GOLGA2: variants seen among roughly 807,000 people sequenced by gnomAD.
GOLGA2 encodes golgin A2.
GOLGA2 carries 49 observed loss-of-function variants against 148.8 expected under a neutral mutation model. The observed-to-expected ratio is 0.33, with a 90% CI of 0.26 to 0.42. GOLGA2 has a LOEUF of 0.42. Among genes scored for constraint, GOLGA2 ranks in the 10% least tolerant of loss-of-function variants. The pLI, the probability that GOLGA2 is intolerant of heterozygous loss-of-function variation, is 1.00. For missense variants in GOLGA2, 1,178 were observed against 1,304.6 expected, an observed-to-expected ratio of 0.90 and a Z score of 1.49; for synonymous variants, 501 against 511.8, an observed-to-expected ratio of 0.98 and a Z score of 0.28.
chr9:128,263,196 T>A, intron 12 of GOLGA2, 104 bp from the exon 13 acceptor site: 1 of 758,234 alleles, frequency 1.3e-6, no homozygotes. Flanking sequence ...ACTTCCTCAC[T>A]CTCAATCACA....
Position 128,265,697 on chromosome 9 carries a change from A to G in GOLGA2, c.827-6T>C, listed in dbSNP as rs1159516935. 7 of 1,613,444 alleles carry G rather than the reference A, an allele frequency of 4.3e-6. No homozygotes were observed. The highest frequency in any genetic ancestry group is 5.9e-6 in the Non-Finnish European group (7 of 1,179,536). On this transcript the variant is annotated splice_polypyrimidine_tract_variant and splice_region_variant and intron_variant, in intron 11 of 26. Transcript: ENST00000611957. Reference sequence around the variant, plus strand: ...GGCCAGATCTTCAGACTCTCCTGGAATGAGAGAGGTTGAGATGGGGCCCAA... The same window carrying G: ...GGCCAGATCTTCAGACTCTCCTGGAGTGAGAGAGGTTGAGATGGGGCCCAA...
At chr9:128,270,843 C>T (rs4836611) in intron 3 of GOLGA2, among the ~76,000 whole-genome samples, 10,381 of 151,986 alleles carry the variant, frequency 0.068, 549 homozygotes, top group East Asian at 0.27. Context: ...GCCAGGAGTT[C>T]GAAACCAGCC....
At position 128,258,932 on chromosome 9, in the gene GOLGA2, C is replaced by T. The variant is rs1020380451; in HGVS notation, c.2173+75G>A. On this transcript the variant is annotated intron_variant, in intron 21 of 26. Transcript: ENST00000611957. The surrounding 1 kb of genome is among the most constrained non-coding windows in gnomAD (Gnocchi z 6.6). ...GCTGTTCTAAAGGTCTCTTCCAACT[C>T]CTCAATTCTACGCTGCTAACAGTCC... 1.6e-5 allele frequency: 16 copies of T among 1,016,314 alleles called. No homozygotes were observed. The highest frequency in any genetic ancestry group is 2.3e-5 in the Non-Finnish European group (15 of 649,940). 63.0% of individuals were successfully genotyped at this position (1,016,314 alleles called of 1,614,324 possible).
chr9:128,264,658 C>G (rs528426699), intron 12 of GOLGA2, among the ~76,000 whole-genome samples: 1 of 151,964 alleles, frequency 6.6e-6, no homozygotes, highest in South Asian at 2.1e-4. Context: ...GAACTCCTGA[C>G]CTCAGTTGAC....
Position 128,260,514 on chromosome 9 carries a change from C to G in GOLGA2, c.1709G>C (p.Arg570Pro), listed in dbSNP as rs199818352. 2.5e-6 allele frequency: 4 copies of G among 1,613,174 alleles called. No individual in the cohort carries two copies. The highest frequency in any genetic ancestry group is 2.2e-5 in the East Asian group (1 of 44,872). The change falls in exon 18 of 27, where the codon CGG (arginine) becomes CCG (proline). Residue 570 changes from arginine to proline, a missense_variant. Arg to Pro is a moderately radical substitution (Grantham distance 103, BLOSUM62 -2). Coordinates refer to ENST00000611957, the MANE Select transcript of GOLGA2 (RefSeq NM_001366244.2). This position sits in a 1 kb window ranked among gnomAD's most constrained non-coding sequence, Gnocchi z 4.8. ...CTCAGCCAGCTGCTCCTTGAGCTCC[C>G]GGTTCTGGGAGAGTGCGCGGCTGAT... is the stretch of plus-strand genomic sequence containing the variant. Reference protein sequence around the residue: ...TTISRALSQNRELKEQLAELQ... With the variant: ...TTISRALSQNPELKEQLAELQ...
At chr9:128,269,000 C>T (rs1830772361) in intron 3 of GOLGA2, among the ~76,000 whole-genome samples, 1 of 152,200 alleles carries the variant, frequency 6.6e-6, no homozygotes, top group African/African-American at 2.4e-5. Flanking sequence ...CCTTTCCTCC[C>T]TTCCCTTCTC....
intron 14 of GOLGA2, 40 bp downstream of exon 14, chr9:128,262,523 G>A (rs763848809): frequency 6.3e-7 from 1 of 1,599,410 alleles, no homozygotes; most frequent in Admixed American, 1.7e-5. Context: ...GGCCCCAGCT[G>A]GATGGCGCTC....
At chr9:128,268,079 T>C in intron 5 of GOLGA2, 38 bp downstream of exon 5, 1 of 1,607,170 alleles carries the variant, frequency 6.2e-7, no homozygotes. Flanking sequence ...CCTGACTCTC[T>C]CAGCCTAGAG....
At chr9:128,262,746 G>C (rs1172317200) in intron 13 of GOLGA2, 42 bp from the exon 14 acceptor site, 1 of 1,587,078 alleles carries the variant, frequency 6.3e-7, no homozygotes, top group Non-Finnish European at 8.6e-7. Flanking sequence ...ACGAAGAACA[G>C]AAAGGACTGC....
intron 14 of GOLGA2, 105 bp downstream of exon 14, chr9:128,262,458 A>G: frequency 8.7e-7 from 1 of 1,154,102 alleles, no homozygotes; most frequent in Non-Finnish European, 1.2e-6. Context: ...CAAGGACCCA[A>G]ATTTTCCAGC....
At position 128,257,150 on chromosome 9, in the gene GOLGA2, G is replaced by A. The variant is rs775152615; in HGVS notation, c.3007C>T (p.Arg1003Cys). 2.7e-5 allele frequency: 44 copies of A among 1,614,002 alleles called. No homozygotes were observed. Among genetic ancestry groups the A allele is most frequent in the Middle Eastern group, 1.7e-4 (1 of 6,058 alleles). ...CAGGGGTTGCTGCCCAAGCCTGGGC[G>A]CTCCCGGGGGTTCTGCATCTCACGA... is the stretch of plus-strand genomic sequence containing the variant. ...LLREMQNPRE[R>C]PGLGSNPCIP... Residue 1003 changes from arginine to cysteine, a missense_variant, in exon 27 of 27, where the codon CGC becomes TGC. By Grantham distance (180) the Arg-to-Cys change is radical (BLOSUM62 -3). Around this residue, in one of 5 missense-constraint regions of GOLGA2, gnomAD observed 149 missense variants for 154.9 expected, o/e 0.96. Transcript: ENST00000611957. This position sits in a 1 kb window ranked among gnomAD's most constrained non-coding sequence, Gnocchi z 8.0.
rs1830180562 is a variant in GOLGA2, at chr9:128,260,366, C to T, written c.1758+99G>A. ...GGCTCACAGATGCCTCCAGAAGTAC[C>T]ATTTCAAGTGAGGGCTACACTGCCC... On this transcript the variant is annotated intron_variant, in intron 18 of 26. Coordinates refer to ENST00000611957, the MANE Select transcript of GOLGA2 (RefSeq NM_001366244.2). This position sits in a 1 kb window ranked among gnomAD's most constrained non-coding sequence, Gnocchi z 4.8. 8 of 1,136,048 alleles carry T rather than the reference C, an allele frequency of 7.0e-6. No individual in the cohort carries two copies. The South Asian group carries it at 9.0e-5, about 13-fold the overall frequency. 70.4% of individuals were successfully genotyped at this position (1,136,048 alleles called of 1,614,324 possible). A position where few individuals can be genotyped will look rare whatever the true frequency, so the allele number is the denominator to read the frequency against.
In GOLGA2 at chr9:128,257,105, C is replaced by G. The variant is rs1564361031; in HGVS notation, c.3052G>C (p.Ala1018Pro). ...SNPCIPFFYR[A>P]DENDEVKITV... Reference sequence around the variant, plus strand: ...ATCTTCACCTCATCATTCTCGTCAGCCCGGTAAAAAAAAGGAATGCAGGGG... The same window carrying G: ...ATCTTCACCTCATCATTCTCGTCAGGCCGGTAAAAAAAAGGAATGCAGGGG... Residue 1018 changes from alanine to proline, a missense_variant, in exon 27 of 27, where the codon GCT becomes CCT. Transcript: ENST00000611957. This position sits in a 1 kb window ranked among gnomAD's most constrained non-coding sequence, Gnocchi z 8.0. 1 of 1,613,998 alleles carries G rather than the reference C, an allele frequency of 6.2e-7. No individual in the cohort carries two copies. Among genetic ancestry groups the G allele is most frequent in the Non-Finnish European group, 8.5e-7 (1 of 1,179,948 alleles).
At chr9:128,263,187 C>G in intron 12 of GOLGA2, 95 bp from the exon 13 acceptor site, 2 of 770,206 alleles carry the variant, frequency 2.6e-6, no homozygotes, top group Non-Finnish European at 4.7e-6. Flanking sequence ...CACAGTAACA[C>G]TTCCTCACTC....
rs750985465 is a variant in GOLGA2, at chr9:128,260,218, C to T, written c.1759-29G>A. On this transcript the variant is annotated intron_variant, in intron 18 of 26. Transcript: ENST00000611957. This position sits in a 1 kb window ranked among gnomAD's most constrained non-coding sequence, Gnocchi z 4.8. ...GACAGAGAGAAGCAATCAGCGGCCACCCACTGCAGCTGGAGACCCCAGAAC... is the reference window on the plus strand; with the variant it reads ...GACAGAGAGAAGCAATCAGCGGCCATCCACTGCAGCTGGAGACCCCAGAAC... The T allele has an allele frequency of 2.0e-6, 3 of 1,512,876 alleles. No homozygotes were observed. Among genetic ancestry groups the T allele is most frequent in the Non-Finnish European group, 2.7e-6 (3 of 1,097,804 alleles). The allele number at this position is 1,512,876 out of a possible 1,614,324, so 93.7% of individuals were successfully genotyped here.
At position 128,272,876 on chromosome 9, in the gene GOLGA2, C is replaced by A. The variant is rs187916036; in HGVS notation, c.208-11G>T. On this transcript the variant is annotated splice_polypyrimidine_tract_variant and intron_variant, in intron 2 of 26. Coordinates refer to ENST00000611957, the MANE Select transcript of GOLGA2 (RefSeq NM_001366244.2). ...CAGAATGTCCTGAATCTACAGGAGG[C>A]GAAAAGGGAAAAACAAGGGCAGGGG... The A allele has an allele frequency of 1.6e-6, 2 of 1,229,764 alleles. No individual in the cohort carries two copies. Among genetic ancestry groups the A allele is most frequent in the Non-Finnish European group, 2.1e-6 (2 of 939,026 alleles). The allele number at this position is 1,229,764 out of a possible 1,614,324, so 76.2% of individuals were successfully genotyped here.
intron 1 of GOLGA2, chr9:128,275,588 C>T: frequency 4.9e-6 from 5 of 1,014,454 alleles, no homozygotes; most frequent in Non-Finnish European, 6.7e-6. Flanking sequence ...GTCCTAGGTC[C>T]TTGGAGACGC....
chr9:128,261,119 C>A lies in GOLGA2; in HGVS notation c.1420+53G>T. 2 of 1,266,078 alleles carry A rather than the reference C, an allele frequency of 1.6e-6. No individual in the cohort carries two copies. The highest frequency in any genetic ancestry group is 2.3e-6 in the Non-Finnish European group (2 of 862,954). 78.4% of individuals were successfully genotyped at this position (1,266,078 alleles called of 1,614,324 possible). A position where few individuals can be genotyped will look rare whatever the true frequency, so the allele number is the denominator to read the frequency against. On this transcript the variant is annotated intron_variant, in intron 17 of 26. Coordinates refer to ENST00000611957, the MANE Select transcript of GOLGA2 (RefSeq NM_001366244.2). The surrounding 1 kb of genome is among the most constrained non-coding windows in gnomAD (Gnocchi z 5.7). Reference sequence around the variant, plus strand: ...CTCCCTGGGGCATTCTAAACCACCCCCACAACCCTCTGACACCATTCCTGC... The same window carrying A: ...CTCCCTGGGGCATTCTAAACCACCCACACAACCCTCTGACACCATTCCTGC...
At position 128,257,174 on chromosome 9, in the gene GOLGA2, G is replaced by A. The variant is rs1429200982; in HGVS notation, c.2983C>T (p.Arg995Cys). The A allele has an allele frequency of 8.7e-6, 14 of 1,613,828 alleles. No individual in the cohort carries two copies. The highest frequency in any genetic ancestry group is 1.1e-5 in the Non-Finnish European group (13 of 1,179,848). Residue 995 changes from arginine (R) to cysteine (C), a missense_variant, in exon 27 of 27, where the codon CGT becomes TGT. Around this residue, in one of 5 missense-constraint regions of GOLGA2, gnomAD observed 149 missense variants for 154.9 expected, o/e 0.96. Transcript: ENST00000611957. The surrounding 1 kb of genome is among the most constrained non-coding windows in gnomAD (Gnocchi z 8.0). ...CGCTCCCGGGGGTTCTGCATCTCAC[G>A]AAGCAGCTGCATGATCTGCTGTGCA... Reference protein sequence around the residue: ...PTAQQIMQLLREMQNPRERPG... With the variant: ...PTAQQIMQLLCEMQNPRERPG...
Sources: gnomAD v4.1 joint callset for allele counts (sites outside exome capture counted in the v4.1 genomes callset) on GRCh38, gnomAD v4.1.1 for gene constraint, gnomAD v4.1.1 regional missense constraint, Gnocchi (gnomAD v3.1) non-coding constraint, MANE v1.5 for transcripts, NCBI Gene and HGNC (gene_info 2026-07-23, HGNC 2026-07-21) for gene names.